Variants in BTN3A3 observed in about 807,000 individuals in gnomAD.
The protein encoded by BTN3A3 is butyrophilin 3.
BTN3A3 carries 39 observed loss-of-function variants against 43.2 expected under a neutral mutation model. The observed-to-expected ratio is 0.90, with a 90% CI of 0.70 to 1.18. The LOEUF is 1.18. Among genes scored for constraint, BTN3A3 ranks in the 50% most tolerant of loss-of-function variants. The pLI is 0.00. For missense variants in BTN3A3, 631 were observed against 722.8 expected (o/e 0.87, Z 1.46); for synonymous variants, 255 against 272.7 (o/e 0.93, Z 0.64).
In BTN3A3 at chr6:26,444,343, A is replaced by C. The variant is rs138400675; in HGVS notation, c.433+39A>C. 4.9e-3 allele frequency: 7,840 copies of C among 1,612,004 alleles called. 317 individuals are homozygous for C. In the Admixed American group the frequency reaches 0.083, roughly 17 times the overall value. On this transcript the variant is annotated intron_variant, in intron 4 of 10. Coordinates refer to ENST00000244519, the MANE Select transcript of BTN3A3 (RefSeq NM_006994.5). ...TTTTGTTCTGAGAACACTTCTCTGT[A>C]GGATCTAGAGCAGATGCAGAGTCCC... is the stretch of plus-strand genomic sequence containing the variant.
chr6:26,447,238 T>C (rs970968403), intron 5 of BTN3A3, among the ~76,000 whole-genome samples: 1 of 152,244 alleles, frequency 6.6e-6, no homozygotes, highest in Non-Finnish European at 1.5e-5. Context: ...ATGTTATTTT[T>C]AGTTTAAACA....
At chr6:26,447,449 G>A (rs1489974583) in intron 5 of BTN3A3, among the ~76,000 whole-genome samples, 12 of 151,118 alleles carry the variant, frequency 7.9e-5, no homozygotes, top group Non-Finnish European at 1.5e-4. Context: ...TGCAAGCCCC[G>A]CTTCCTGGGT....
intron 1 of BTN3A3, among the ~76,000 whole-genome samples, chr6:26,440,904 G>A (rs1276976582): frequency 6.6e-6 from 1 of 152,114 alleles, no homozygotes; most frequent in Non-Finnish European, 1.5e-5. Context: ...CAGATATTGG[G>A]ATTTGGTGGA....
At chr6:26,444,538 G>T (rs1296343250) in intron 4 of BTN3A3, 6 of 667,292 alleles carry the variant, frequency 9.0e-6, no homozygotes, top group Non-Finnish European at 1.5e-5. Flanking sequence ...GACAACCAGA[G>T]ATATAAGGGA....
At chr6:26,442,486 T>C (rs1762663940) in intron 1 of BTN3A3, among the ~76,000 whole-genome samples, 1 of 152,222 alleles carries the variant, frequency 6.6e-6, no homozygotes, top group Non-Finnish European at 1.5e-5. Flanking sequence ...GTTTTTGTTT[T>C]TCAGTTGAAT....
intron 10 of BTN3A3, among the ~76,000 whole-genome samples, chr6:26,450,773 C>T (rs1289399213): frequency 1.3e-5 from 2 of 152,140 alleles, no homozygotes; most frequent in East Asian, 1.9e-4. Flanking sequence ...TGTCTTCACT[C>T]CTAGCCTGGG....
intron 1 of BTN3A3, among the ~76,000 whole-genome samples, chr6:26,442,549 T>C (rs1349243679): frequency 6.6e-6 from 1 of 152,236 alleles, no homozygotes; most frequent in African/African-American, 2.4e-5. Flanking sequence ...ATCACCATTA[T>C]CTAGGTTCAT....
chr6:26,444,107 A>G lies in BTN3A3; in HGVS notation c.236A>G (p.Tyr79Cys). The G allele has an allele frequency of 2.5e-6, 4 of 1,613,950 alleles. No individual in the cohort carries two copies. Among genetic ancestry groups the G allele is most frequent in the Non-Finnish European group, 3.4e-6 (4 of 1,179,860 alleles). ...AGCCTAAGGCAGGTGGTGAACGTGT[A>G]TGCAGATGGAAAGGAAGTGGAAGAC... ...SSSLRQVVNVYADGKEVEDRQ... is the reference protein window; with the variant it reads ...SSSLRQVVNVCADGKEVEDRQ... Residue 79 changes from tyrosine (Y) to cysteine (C), a missense_variant, in exon 4 of 11, where the codon TAT (tyrosine) becomes TGT (cysteine). By Grantham distance (194) the Tyr-to-Cys change is radical. Around this residue, in one of 2 missense-constraint regions of BTN3A3, gnomAD observed 80 missense variants for 138.7 expected, o/e 0.58. Transcript: ENST00000244519.
chr6:26,450,037 A>G, intron 9 of BTN3A3, 70 bp from the exon 10 acceptor site: 1 of 1,512,184 alleles, frequency 6.6e-7, no homozygotes, highest in South Asian at 1.1e-5. Context: ...ACGTGTAGTG[A>G]AAGGAGAATG....
In BTN3A3 at chr6:26,443,569, G is replaced by A. The variant is rs770598661; in HGVS notation, c.-5-1G>A. ...ACCTTCTGGTATCTCTTGATATGCA[G>A]CATAGATGAAAATGGCAAGTTCCCT... On this transcript the variant is annotated splice_acceptor_variant, in intron 2 of 10. Transcript: ENST00000244519. LOFTEE classifies it low-confidence loss of function (5UTR_SPLICE). 1.2e-6 allele frequency: 2 copies of A among 1,614,106 alleles called. No individual in the cohort carries two copies. The highest frequency in any genetic ancestry group is 1.6e-4 in the Middle Eastern group (1 of 6,062).
At chr6:26,448,501 A>AAG in intron 6 of BTN3A3, 53 bp downstream of exon 6, 1 of 1,608,138 alleles carries the variant, frequency 6.2e-7, no homozygotes, top group Admixed American at 1.7e-5. Context: ...CCCCAGCCTG[A>AAG]AGATCTCACC....
At position 26,452,238 on chromosome 6, in the gene BTN3A3, C is replaced by T; in HGVS notation, c.1582C>T (p.Pro528Ser). 1.2e-6 allele frequency: 2 copies of T among 1,614,130 alleles called. No homozygotes were observed. Among genetic ancestry groups the T allele is most frequent in the African/African-American group, 1.3e-5 (1 of 74,996 alleles). Residue 528 changes from proline to serine, a missense_variant, in exon 11 of 11, where the codon CCT becomes TCT. Pro to Ser is a moderately conservative substitution (Grantham distance 74). Transcript: ENST00000244519. ...VESSPDPDLV[P>S]DHSLETPLTP... ...GAGTTCCCCCGATCCTGACCTAGTG[C>T]CTGATCATTCCCTGGAGACACCACT...
intron 8 of BTN3A3, chr6:26,449,136 C>A: frequency 4.2e-6 from 1 of 238,866 alleles, no homozygotes; most frequent in Non-Finnish European, 8.1e-6. Context: ...GAAAGGAAAA[C>A]AAGAATGGAA....
In BTN3A3 at chr6:26,445,786, C is replaced by A. The variant is rs150636780; in HGVS notation, c.516C>A (p.Tyr172Ter). 6.3e-5 allele frequency: 102 copies of A among 1,614,094 alleles called. No homozygotes were observed. The African/African-American group carries it at 1.3e-3, about 20-fold the overall frequency. Residue 172 changes from tyrosine to a stop codon, truncating the protein, a stop_gained, in exon 5 of 11, where the codon TAC becomes TAA. Coordinates refer to ENST00000244519, the MANE Select transcript of BTN3A3 (RefSeq NM_006994.5). LOFTEE classifies it high-confidence loss of function. The stretch of plus-strand genomic sequence containing the variant: ...TGGAGTGCAGGTCCACTGGCTGGTA[C>A]CCCCAACCCCAAATAAAGTGGAGCG... ...IHLECRSTGW[Y>*]PQPQIKWSDT...
In BTN3A3 at chr6:26,452,573, C is replaced by T; in HGVS notation, c.*162C>T. 2 of 635,820 alleles carry T rather than the reference C, an allele frequency of 3.1e-6. No homozygotes were observed. Among genetic ancestry groups the T allele is most frequent in the Non-Finnish European group, 5.3e-6 (2 of 376,288 alleles). The allele number at this position is 635,820 out of a possible 1,614,324, so 39.4% of individuals were successfully genotyped here. A position where few individuals can be genotyped will look rare whatever the true frequency, so the allele number is the denominator to read the frequency against. ...CTGGGATCTAAACAGCAATAACTAA[C>T]ATTAACAGAGAATTTAAAATGTTCT... is the stretch of plus-strand genomic sequence containing the variant. On this transcript the variant is annotated 3_prime_UTR_variant, in exon 11 of 11. Transcript: ENST00000244519.
rs1290741732 is a variant in BTN3A3, at chr6:26,448,381, G to A, written c.849G>A (p.Glu283=). ...QQKEKIALSR[E]TEREREMKEM... The stretch of plus-strand genomic sequence containing the variant: ...AGGAAAAAATTGCTCTGTCCAGGGA[G>A]ACAGAAAGAGAGCGAGAGATGAAAG... The change falls in exon 6 of 11, where the codon GAG becomes GAA. Residue 283 remains glutamate, a synonymous_variant. Coordinates refer to ENST00000244519, the MANE Select transcript of BTN3A3 (RefSeq NM_006994.5). 1 of 1,613,930 alleles carries A rather than the reference G, an allele frequency of 6.2e-7. No homozygotes were observed. The highest frequency in any genetic ancestry group is 1.1e-5 in the South Asian group (1 of 91,078).
At position 26,451,984 on chromosome 6, in the gene BTN3A3, G is replaced by A. The variant is rs747246328; in HGVS notation, c.1328G>A (p.Arg443Gln). 1.0e-4 allele frequency: 168 copies of A among 1,613,912 alleles called. No individual in the cohort carries two copies. Among genetic ancestry groups the A allele is most frequent in the Non-Finnish European group, 1.3e-4 (156 of 1,179,980 alleles). ...GGCCTGACTGATGGGAATAAGTATC[G>A]GGCTCTCACTGAGCCCAGAACCAAC... ...TMGLTDGNKY[R>Q]ALTEPRTNLK... is the part of the protein sequence containing the mutation. Residue 443 changes from arginine to glutamine, a missense_variant, in exon 11 of 11, where the codon CGG becomes CAG. By Grantham distance (43) the Arg-to-Gln change is conservative. Around this residue, in one of 2 missense-constraint regions of BTN3A3, gnomAD observed 551 missense variants for 584.0 expected, o/e 0.94. Coordinates refer to ENST00000244519, the MANE Select transcript of BTN3A3 (RefSeq NM_006994.5).
intron 1 of BTN3A3, among the ~76,000 whole-genome samples, chr6:26,440,987 G>A (rs966967334): frequency 6.6e-6 from 1 of 152,048 alleles, no homozygotes; most frequent in African/African-American, 2.4e-5. Flanking sequence ...GGTCAGAAAA[G>A]GGCAAAAAAG....
intron 1 of BTN3A3, among the ~76,000 whole-genome samples, chr6:26,442,003 T>C (rs1762648735): frequency 6.6e-6 from 1 of 151,910 alleles, no homozygotes; most frequent in African/African-American, 2.4e-5. Flanking sequence ...TAAAGAGAAG[T>C]TTTGAGGAAC....
Sources: allele counts gnomAD v4.1 joint callset (sites outside exome capture counted in the v4.1 genomes callset), GRCh38; gene constraint gnomAD v4.1.1; regional missense constraint gnomAD v4.1.1; transcripts MANE v1.5; gene names NCBI Gene and HGNC (gene_info 2026-07-23, HGNC 2026-07-21).